The following GTPBP10 variants were observed in gnomAD, a reference collection of about 807,000 sequenced individuals.
The protein encoded by GTPBP10 is GTP-binding protein 10.
Under a neutral mutation model 44.8 loss-of-function variants are expected in GTPBP10, and 38 were observed. The observed-to-expected ratio is 0.85, with a 90% CI of 0.65 to 1.11. The LOEUF (loss-of-function observed/expected upper bound fraction) is 1.11, where lower values mean the gene tolerates loss of function less well. Ranked by LOEUF, GTPBP10 falls within the 50% of genes most tolerant of loss-of-function variation. The pLI is 0.00. For synonymous variants in GTPBP10, 152 were observed against 150.6 expected, an observed-to-expected ratio of 1.01 and a Z score of -0.07; for missense variants, 462 against 453.7, an observed-to-expected ratio of 1.02 and a Z score of -0.17.
In GTPBP10 at chr7:90,388,891, T is replaced by C. The variant is rs1200571605; in HGVS notation, c.*3737T>C. ...CAGATTGAAAACCCAGTTTTACAAA[T>C]CCCATCTACAAATTTGCATTGTCAT... On this transcript the variant is annotated 3_prime_UTR_variant, in exon 10 of 10. Coordinates refer to ENST00000222511, the MANE Select transcript of GTPBP10 (RefSeq NM_033107.4). The C allele has an allele frequency of 6.6e-6, 1 of 152,192 alleles. No homozygotes were observed. The highest frequency in any genetic ancestry group is 2.4e-5 in the African/African-American group (1 of 41,450). The allele number at this position is 152,192 out of a possible 1,614,324, so 9.4% of individuals were successfully genotyped here.
intron 4 of GTPBP10, among the ~76,000 whole-genome samples, chr7:90,369,838 C>T (rs1243401962): frequency 6.6e-6 from 1 of 152,168 alleles, no homozygotes; most frequent in Non-Finnish European, 1.5e-5. Flanking sequence ...ACTGCCCAAC[C>T]CGCCACATTG....
chr7:90,361,035 T>A (rs1320610270), intron 4 of GTPBP10, among the ~76,000 whole-genome samples: 2 of 152,230 alleles, frequency 1.3e-5, no homozygotes, highest in Non-Finnish European at 2.9e-5. Context: ...GATTCTGGGC[T>A]GAGACGATGG....
rs1486678277 is a variant in GTPBP10, at chr7:90,378,133, G to T, written c.700-1G>T. Reference sequence around the variant, plus strand: ...TGTCTCTTTCCTTCTCTTTTTTTTAGGTTGATATTTCTGGATTTCAGCTTT... The same window carrying T: ...TGTCTCTTTCCTTCTCTTTTTTTTATGTTGATATTTCTGGATTTCAGCTTT... On this transcript the variant is annotated splice_acceptor_variant, in intron 7 of 9. Transcript: ENST00000222511. LOFTEE classifies it high-confidence loss of function. The T allele has an allele frequency of 1.2e-6, 2 of 1,609,100 alleles. No homozygotes were observed. The highest frequency in any genetic ancestry group is 1.7e-6 in the Non-Finnish European group (2 of 1,176,826).
chr7:90,389,088 A>G lies in GTPBP10; in HGVS notation c.*3934A>G, dbSNP rs1796572996. 1 of 152,232 alleles carries G rather than the reference A, an allele frequency of 6.6e-6. No individual in the cohort carries two copies. The highest frequency in any genetic ancestry group is 2.1e-4 in the South Asian group (1 of 4,834). The allele number at this position is 152,232 out of a possible 1,614,324, so 9.4% of individuals were successfully genotyped here. A position where few individuals can be genotyped will look rare whatever the true frequency, so the allele number is the denominator to read the frequency against. On this transcript the variant is annotated 3_prime_UTR_variant, in exon 10 of 10. Transcript: ENST00000222511. ...TTTTAAAGACCAAATAGTGAATTGA[A>G]TTTAATGCATATCTTTAAATCCTTA...
intron 4 of GTPBP10, among the ~76,000 whole-genome samples, chr7:90,368,672 T>C (rs1403778296): frequency 6.6e-6 from 1 of 152,244 alleles, no homozygotes; most frequent in African/African-American, 2.4e-5. Flanking sequence ...CTACACTGTT[T>C]ATTCTAATTA....
At chr7:90,347,161 G>C (rs1284722799) in intron 1 of GTPBP10, among the ~76,000 whole-genome samples, 1 of 152,018 alleles carries the variant, frequency 6.6e-6, no homozygotes, top group African/African-American at 2.4e-5. Flanking sequence ...GGATTTTTAT[G>C]AAGACACGAA....
At chr7:90,372,331 A>T in intron 5 of GTPBP10, 103 bp downstream of exon 5, 1 of 840,934 alleles carries the variant, frequency 1.2e-6, no homozygotes, top group East Asian at 2.7e-5. Context: ...GGTATCCTTA[A>T]CTGAAAAATT....
At chr7:90,347,638 A>G in intron 1 of GTPBP10, 1 of 213,682 alleles carries the variant, frequency 4.7e-6, no homozygotes, top group Non-Finnish European at 8.0e-6. Flanking sequence ...CTTTACCTAC[A>G]AGAAGTTCTT....
chr7:90,383,134 G>C lies in GTPBP10; in HGVS notation c.901+55G>C, dbSNP rs1796461637. On this transcript the variant is annotated intron_variant, in intron 9 of 9. Coordinates refer to ENST00000222511, the MANE Select transcript of GTPBP10 (RefSeq NM_033107.4). ...TTAAAGAATAATTACAATGTACAGAGAATGCTGTTATAATCAGTGGAAAAC... is the reference window on the plus strand; with the variant it reads ...TTAAAGAATAATTACAATGTACAGACAATGCTGTTATAATCAGTGGAAAAC... 3.7e-6 allele frequency: 5 copies of C among 1,333,640 alleles called. No homozygotes were observed. The East Asian group carries it at 1.2e-4, about 33-fold the overall frequency. The allele number at this position is 1,333,640 out of a possible 1,614,324, so 82.6% of individuals were successfully genotyped here. A position where few individuals can be genotyped will look rare whatever the true frequency, so the allele number is the denominator to read the frequency against.
chr7:90,389,654 A>G lies in GTPBP10; in HGVS notation c.*4500A>G, dbSNP rs1054321876. 1.3e-5 allele frequency: 2 copies of G among 152,216 alleles called. No individual in the cohort carries two copies. The highest frequency in any genetic ancestry group is 4.8e-5 in the African/African-American group (2 of 41,450). 9.4% of individuals were successfully genotyped at this position (152,216 alleles called of 1,614,324 possible). On this transcript the variant is annotated 3_prime_UTR_variant, in exon 10 of 10. Coordinates refer to ENST00000222511, the MANE Select transcript of GTPBP10 (RefSeq NM_033107.4). ...AAAAAAAATGTCTATGCCTTATCAA[A>G]GTTTATAACTCAAGAATTAATGAGA...
chr7:90,381,902 T>TA (rs1796441347), intron 8 of GTPBP10, among the ~76,000 whole-genome samples: 1 of 151,996 alleles, frequency 6.6e-6, no homozygotes, highest in African/African-American at 2.4e-5. Context: ...TCACACCATA[T>TA]AAAAAATCAG....
At chr7:90,360,682 A>G (rs1795999177) in intron 4 of GTPBP10, among the ~76,000 whole-genome samples, 2 of 152,178 alleles carry the variant, frequency 1.3e-5, no homozygotes, top group South Asian at 2.1e-4. Context: ...AAAGAAAGTC[A>G]TTGGTAGCTT....
At chr7:90,384,085 C>G (rs1796481681) in intron 9 of GTPBP10, among the ~76,000 whole-genome samples, 1 of 152,032 alleles carries the variant, frequency 6.6e-6, no homozygotes, top group African/African-American at 2.4e-5. Flanking sequence ...GAGGAAATAC[C>G]GAAAGTGAGG....
chr7:90,374,552 T>G (rs113873419), intron 6 of GTPBP10, among the ~76,000 whole-genome samples, 198 bp downstream of exon 6: 1 of 152,222 alleles, frequency 6.6e-6, no homozygotes, highest in Non-Finnish European at 1.5e-5. Context: ...TTCCAAAGAT[T>G]AGGTCCAGTT....
intron 1 of GTPBP10, among the ~76,000 whole-genome samples, chr7:90,351,789 A>G (rs1795795729): frequency 6.6e-6 from 1 of 151,970 alleles, no homozygotes; most frequent in East Asian, 1.9e-4. Flanking sequence ...TCTGCCTCCC[A>G]GGTTCATGCC....
chr7:90,371,323 T>G, intron 4 of GTPBP10: 1 of 199,296 alleles, frequency 5.0e-6, no homozygotes, highest in South Asian at 1.8e-4. Flanking sequence ...ACTTCACCAT[T>G]GAAAAGTGTT....
In GTPBP10 at chr7:90,389,401, C is replaced by G. The variant is rs1355250145; in HGVS notation, c.*4247C>G. 1 of 150,790 alleles carries G rather than the reference C, an allele frequency of 6.6e-6. No individual in the cohort carries two copies. Among genetic ancestry groups the G allele is most frequent in the African/African-American group, 2.4e-5 (1 of 41,008 alleles). The allele number at this position is 150,790 out of a possible 1,614,324, so 9.3% of individuals were successfully genotyped here. A position where few individuals can be genotyped will look rare whatever the true frequency, so the allele number is the denominator to read the frequency against. ...AAAAAATTTGAATTTTTTTTTTTCCCCCCCCAGACGGAGTCTCGCTCTCTT... is the reference window on the plus strand; with the variant it reads ...AAAAAATTTGAATTTTTTTTTTTCCGCCCCCAGACGGAGTCTCGCTCTCTT... On this transcript the variant is annotated 3_prime_UTR_variant, in exon 10 of 10. Transcript: ENST00000222511.
chr7:90,384,865 C>A, intron 9 of GTPBP10, 27 bp from the exon 10 acceptor site: 1 of 1,560,112 alleles, frequency 6.4e-7, no homozygotes, highest in East Asian at 2.3e-5. Context: ...CAATGGAAAT[C>A]AGCTTTGTTT....
At chr7:90,367,353 C>G in intron 4 of GTPBP10, among the ~76,000 whole-genome samples, 1 of 152,114 alleles carries the variant, frequency 6.6e-6, no homozygotes, top group East Asian at 1.9e-4. Flanking sequence ...AACCTTCTGT[C>G]TCGTTGATCT....
Sources: allele counts gnomAD v4.1 joint callset (sites outside exome capture counted in the v4.1 genomes callset), GRCh38; gene constraint gnomAD v4.1.1; transcripts MANE v1.5; gene names NCBI Gene and HGNC (gene_info 2026-07-23, HGNC 2026-07-21).